Variants in LTBP1 observed in about 807,000 individuals in gnomAD.
LTBP1 encodes latent transforming growth factor beta binding protein 1.
LTBP1 carries 129 observed loss-of-function variants against 207.6 expected under a neutral mutation model. The observed-to-expected ratio is 0.62, with a 90% CI of 0.54 to 0.72. LTBP1 has a LOEUF of 0.72. Among genes scored for constraint, LTBP1 ranks in the 30% least tolerant of loss-of-function variants. LTBP1 has a pLI of 0.00. For synonymous variants in LTBP1, 963 were observed against 833.7 expected, an observed-to-expected ratio of 1.16 and a Z score of -2.67; for missense variants, 2,281 against 2,217.2, an observed-to-expected ratio of 1.03 and a Z score of -0.58.
intron 24 of LTBP1, among the ~76,000 whole-genome samples, chr2:33,327,966 C>T (rs986674796): frequency 6.6e-6 from 1 of 151,708 alleles, no homozygotes; most frequent in Non-Finnish European, 1.5e-5. Flanking sequence ...TAAAACCCAT[C>T]TCTACTAAAA....
chr2:33,137,977 C>T (rs962709126), intron 5 of LTBP1, among the ~76,000 whole-genome samples: 3 of 152,164 alleles, frequency 2.0e-5, no homozygotes, highest in South Asian at 2.1e-4. Context: ...AGAGAGAAAG[C>T]AACTGAGAGT....
chr2:32,971,131 T>C (rs745740855), intron 2 of LTBP1, among the ~76,000 whole-genome samples: 1 of 152,052 alleles, frequency 6.6e-6, no homozygotes, highest in Non-Finnish European at 1.5e-5. Context: ...CTGATTGTTA[T>C]ATATTGATAC....
intron 4 of LTBP1, among the ~76,000 whole-genome samples, chr2:33,130,521 C>CA (rs2081714572): frequency 6.6e-6 from 1 of 152,208 alleles, no homozygotes; most frequent in African/African-American, 2.4e-5. Context: ...GTCTGTTTGT[C>CA]AAGCACAGTT....
chr2:33,012,517 A>G (rs955885192), intron 2 of LTBP1, among the ~76,000 whole-genome samples: 1 of 152,138 alleles, frequency 6.6e-6, no homozygotes, highest in Admixed American at 6.5e-5. Context: ...TAAGGCCGCC[A>G]TGTTCCTCTT....
At chr2:32,959,628 T>A (rs1237776700) in intron 2 of LTBP1, among the ~76,000 whole-genome samples, 2 of 118,366 alleles carry the variant, frequency 1.7e-5, no homozygotes, top group African/African-American at 6.2e-5. Flanking sequence ...TATATTTTTT[T>A]TTTTTTTTTT....
At chr2:33,372,216 C>T (rs187752797) in intron 31 of LTBP1, among the ~76,000 whole-genome samples, 9 of 152,314 alleles carry the variant, frequency 5.9e-5, no homozygotes, top group Admixed American at 3.9e-4. Flanking sequence ...CCAGAATCTA[C>T]GTTCTAACCT....
intron 2 of LTBP1, among the ~76,000 whole-genome samples, chr2:33,016,198 G>C (rs1448927800): frequency 6.6e-6 from 1 of 152,180 alleles, no homozygotes; most frequent in Non-Finnish European, 1.5e-5. Flanking sequence ...GAGACAAGGA[G>C]GTGGGAATCC....
At chr2:33,174,021 T>C (rs1385974605) in intron 5 of LTBP1, among the ~76,000 whole-genome samples, 1 of 139,078 alleles carries the variant, frequency 7.2e-6, no homozygotes, top group Non-Finnish European at 1.6e-5. Flanking sequence ...TAATAAGAGC[T>C]ATCTATGACA....
intron 26 of LTBP1, among the ~76,000 whole-genome samples, chr2:33,357,449 C>A (rs1559062459): frequency 6.6e-6 from 1 of 152,148 alleles, no homozygotes; most frequent in African/African-American, 2.4e-5. Context: ...AGAACCTGAG[C>A]TCCAAAGAAG....
At chr2:33,051,816 G>A (rs144623487) in intron 3 of LTBP1, among the ~76,000 whole-genome samples, 1 of 152,242 alleles carries the variant, frequency 6.6e-6, no homozygotes, top group East Asian at 1.9e-4. Flanking sequence ...AATCTGCTAG[G>A]CTTACTACCA....
At chr2:33,378,877 C>T (rs1453834766) in intron 31 of LTBP1, among the ~76,000 whole-genome samples, 1 of 152,180 alleles carries the variant, frequency 6.6e-6, no homozygotes, top group African/African-American at 2.4e-5. Flanking sequence ...ACAGATTGTG[C>T]CCCTTATGAT....
intron 24 of LTBP1, among the ~76,000 whole-genome samples, chr2:33,325,361 G>A (rs2094413306): frequency 6.6e-6 from 1 of 152,164 alleles, no homozygotes; most frequent in African/African-American, 2.4e-5. Flanking sequence ...CTGATTTTAT[G>A]TTGCCTCTGA....
At chr2:33,205,842 G>C (rs2089822975) in intron 7 of LTBP1, among the ~76,000 whole-genome samples, 1 of 152,134 alleles carries the variant, frequency 6.6e-6, no homozygotes, top group Admixed American at 6.5e-5. Context: ...GATAGGACCA[G>C]TGAGCTTGAC....
chr2:33,124,994 G>A (rs1245701889), intron 4 of LTBP1, among the ~76,000 whole-genome samples: 2 of 152,166 alleles, frequency 1.3e-5, no homozygotes, highest in African/African-American at 2.4e-5. Context: ...TTGTTCTGTA[G>A]GAGTGTTGTG....
chr2:32,953,499 A>G (rs1279877411), intron 2 of LTBP1, among the ~76,000 whole-genome samples: 2 of 152,154 alleles, frequency 1.3e-5, no homozygotes, highest in Non-Finnish European at 2.9e-5. Context: ...GACACAGACA[A>G]CCTCGGTGAA....
chr2:33,397,182 C>T lies in LTBP1; in HGVS notation c.4884C>T (p.Leu1628=). 6.2e-7 allele frequency: 1 copy of T among 1,614,116 alleles called. No homozygotes were observed. The highest frequency in any genetic ancestry group is 8.5e-7 in the Non-Finnish European group (1 of 1,180,018). Residue 1628 remains leucine (L), a synonymous_variant, in exon 33 of 34, where the codon CTC becomes CTT. Coordinates refer to ENST00000404816, the MANE Select transcript of LTBP1 (RefSeq NM_206943.4). ...TACAGGCTGAGGAATGCGGCATCCT[C>T]AATGGATGTGAAAATGGTCGCTGTG... The part of the protein sequence containing the change: ...EELQAEECGI[L]NGCENGRCVR...
intron 5 of LTBP1, among the ~76,000 whole-genome samples, chr2:33,170,523 C>G (rs1444536400): frequency 6.6e-6 from 1 of 152,218 alleles, no homozygotes; most frequent in Non-Finnish European, 1.5e-5. Context: ...GGGTGGAGCC[C>G]ACCACAGCTC....
intron 13 of LTBP1, among the ~76,000 whole-genome samples, 182 bp from the exon 14 acceptor site, chr2:33,262,540 C>CTTTTT (rs369761322): frequency 1.0e-5 from 1 of 98,490 alleles, no homozygotes; most frequent in African/African-American, 3.7e-5. Context: ...ATCAAAGGTT[C>CTTTTT]TTTTTTTTTT....
At position 33,374,413 on chromosome 2, in the gene LTBP1, C is replaced by T. The variant is rs572620985; in HGVS notation, c.4711+8910C>T. On this transcript the variant is annotated intron_variant, in intron 31 of 33. Coordinates refer to ENST00000404816, the MANE Select transcript of LTBP1 (RefSeq NM_206943.4). ...ATACAATCACTATGAAAGCATTTATCATTTCAATCATAGATCCTGAACATT... is the reference window on the plus strand; with the variant it reads ...ATACAATCACTATGAAAGCATTTATTATTTCAATCATAGATCCTGAACATT... Among the ~76,000 whole-genome samples, 12 of 152,270 alleles carry T rather than the reference C, an allele frequency of 7.9e-5. No homozygotes were observed. In the East Asian group the frequency reaches 1.9e-3, roughly 24 times the overall value.
Sources: allele counts gnomAD v4.1 joint callset (sites outside exome capture counted in the v4.1 genomes callset), GRCh38; gene constraint gnomAD v4.1.1; transcripts MANE v1.5; gene names NCBI Gene and HGNC (gene_info 2026-07-23, HGNC 2026-07-21).